MAML2: variants seen among roughly 807,000 people sequenced by gnomAD.
MAML2 encodes mastermind like transcriptional coactivator 2, also known as mastermind-like protein 2.
MAML2 carries 22 observed loss-of-function variants against 96.1 expected under a neutral mutation model. The ratio of observed to expected loss-of-function variants is 0.23; its 90% CI spans 0.16 to 0.33. The LOEUF (loss-of-function observed/expected upper bound fraction) is 0.33, where lower values mean the gene tolerates loss of function less well. Ranked by LOEUF, MAML2 falls within the 10% of genes least tolerant of loss-of-function variation. MAML2 has a pLI of 1.00. For synonymous variants in MAML2, 561 were observed against 521.3 expected (o/e 1.08, Z -1.04); for missense variants, 1,367 against 1,392.4 (o/e 0.98, Z 0.29).
At chr11:96,292,077 C>G (rs1025625671) in intron 1 of MAML2, among the ~76,000 whole-genome samples, 26 of 152,294 alleles carry the variant, frequency 1.7e-4, no homozygotes, top group Middle Eastern at 3.4e-3. Flanking sequence ...CAAATGATTT[C>G]CTGCACGTTA....
chr11:96,145,986 G>A (rs1860809560), intron 1 of MAML2, among the ~76,000 whole-genome samples: 1 of 152,018 alleles, frequency 6.6e-6, no homozygotes. Flanking sequence ...TCCAGCCTGG[G>A]TGACAGAGCA....
intron 1 of MAML2, among the ~76,000 whole-genome samples, chr11:96,288,278 A>G (rs996715317): frequency 2.0e-5 from 3 of 152,226 alleles, no homozygotes; most frequent in African/African-American, 7.2e-5. Flanking sequence ...ACTATCTAGA[A>G]CAAGGTATAA....
At chr11:95,990,318 C>T (rs1252815715) in intron 3 of MAML2, among the ~76,000 whole-genome samples, 1 of 152,094 alleles carries the variant, frequency 6.6e-6, no homozygotes, top group African/African-American at 2.4e-5. Flanking sequence ...CAAGCCCTAT[C>T]CTCCTGCTTC....
At chr11:96,281,625 G>T (rs1375330823) in intron 1 of MAML2, among the ~76,000 whole-genome samples, 1 of 152,126 alleles carries the variant, frequency 6.6e-6, no homozygotes, top group Non-Finnish European at 1.5e-5. Context: ...GGATATCAAT[G>T]AGTTTTGCAA....
At chr11:96,211,160 C>G (rs746404638) in intron 1 of MAML2, among the ~76,000 whole-genome samples, 2 of 152,052 alleles carry the variant, frequency 1.3e-5, no homozygotes, top group African/African-American at 2.4e-5. Flanking sequence ...GTCACAGAAG[C>G]CTTAAAGGTA....
At chr11:96,263,661 G>T (rs531395513) in intron 1 of MAML2, among the ~76,000 whole-genome samples, 89 of 152,348 alleles carry the variant, frequency 5.8e-4, no homozygotes, top group Admixed American at 1.0e-3. Flanking sequence ...ATGGGATCCT[G>T]ATCTTTTATA....
intron 1 of MAML2, among the ~76,000 whole-genome samples, chr11:96,101,563 C>T (rs1343080233): frequency 6.6e-6 from 1 of 152,224 alleles, no homozygotes; most frequent in Non-Finnish European, 1.5e-5. Context: ...CTGTACAAGT[C>T]TAAACTAGTC....
chr11:96,198,682 G>C lies in MAML2; in HGVS notation c.514-105165C>G, dbSNP rs149438394. 7.3e-4 allele frequency among the ~76,000 whole-genome samples: 111 copies of C among 152,152 alleles called. 1 individual carries two copies. Among genetic ancestry groups the C allele is most frequent in the African/African-American group, 2.4e-3 (98 of 41,514 alleles). ...TCACTGCCCACGGAGAGATGATTAG[G>C]CTTCCGGGAAAAGGTGAGAACACTG... is the stretch of plus-strand genomic sequence containing the variant. On this transcript the variant is annotated intron_variant, in intron 1 of 4. Coordinates refer to ENST00000524717, the MANE Select transcript of MAML2 (RefSeq NM_032427.4).
chr11:96,334,456 A>C (rs1362956223), intron 1 of MAML2, among the ~76,000 whole-genome samples: 1 of 152,174 alleles, frequency 6.6e-6, no homozygotes, highest in Non-Finnish European at 1.5e-5. Context: ...AAGAAAACAC[A>C]ACTAAGTGTT....
chr11:96,271,936 G>T lies in MAML2; in HGVS notation c.513+69447C>A, dbSNP rs1862921545. On this transcript the variant is annotated intron_variant, in intron 1 of 4. Coordinates refer to ENST00000524717, the MANE Select transcript of MAML2 (RefSeq NM_032427.4). ...CTGCTCTGACCATATGGGCCACCTT[G>T]TTATTCCTAGAGCATTCCAGGGATA... Among the ~76,000 whole-genome samples the T allele has an allele frequency of 3.3e-5, 5 of 152,116 alleles. No homozygotes were observed. The South Asian group carries it at 1.0e-3, about 31-fold the overall frequency.
Position 96,342,522 on chromosome 11 carries a change from T to C in MAML2, c.-627A>G. On this transcript the variant is annotated 5_prime_UTR_variant, in exon 1 of 5. Coordinates refer to ENST00000524717, the MANE Select transcript of MAML2 (RefSeq NM_032427.4). ...AGTCACTGTTCAAAATGTGCAAAAA[T>C]CAAGGGAGACTGTCTTTTGGCTTTT... is the stretch of plus-strand genomic sequence containing the variant. The C allele has an allele frequency of 2.5e-6, 1 of 398,246 alleles. No homozygotes were observed. The highest frequency in any genetic ancestry group is 4.4e-5 in the Admixed American group (1 of 22,732). The allele number at this position is 398,246 out of a possible 1,614,324, so 24.7% of individuals were successfully genotyped here.
chr11:96,119,678 T>C (rs1208265392), intron 1 of MAML2, among the ~76,000 whole-genome samples: 1 of 152,248 alleles, frequency 6.6e-6, no homozygotes. Context: ...CCTGTAAGCC[T>C]GGCTCTATTT....
rs1195016967 is a variant in MAML2 at position 96,092,741 on chromosome 11, T to C, written c.1290A>G (p.Val430=). ...TCTGTTTGAGCTGCTGGGCATGGGATACTTCCTGCCAGCTTGGCAAGGCCC... is the reference window on the plus strand; with the variant it reads ...TCTGTTTGAGCTGCTGGGCATGGGACACTTCCTGCCAGCTTGGCAAGGCCC... The part of the protein sequence containing the change: ...ASRALPSWQE[V]SHAQQLKQIA... The change falls in exon 2 of 5, where the codon GTA becomes GTG. Residue 430 remains valine, a synonymous_variant. Transcript: ENST00000524717. The surrounding 1 kb of genome is among the most constrained non-coding windows in gnomAD (Gnocchi z 4.1). The C allele has an allele frequency of 3.1e-6, 5 of 1,613,952 alleles. No individual in the cohort carries two copies. The South Asian group carries it at 5.5e-5, about 18-fold the overall frequency.
chr11:96,037,115 G>T (rs1230267576), intron 2 of MAML2, among the ~76,000 whole-genome samples: 1 of 151,938 alleles, frequency 6.6e-6, no homozygotes, highest in African/African-American at 2.4e-5. Flanking sequence ...ATGCATTCTG[G>T]GATGTTTCTG....
At chr11:96,123,940 C>A (rs186895352) in intron 1 of MAML2, among the ~76,000 whole-genome samples, 1 of 151,820 alleles carries the variant, frequency 6.6e-6, no homozygotes, top group Admixed American at 6.6e-5. Context: ...CATGGTGGCA[C>A]GCACCTGTAA....
intron 1 of MAML2, among the ~76,000 whole-genome samples, chr11:96,324,009 A>G (rs1350987394): frequency 3.9e-5 from 6 of 152,276 alleles, no homozygotes; most frequent in African/African-American, 1.4e-4. Context: ...TCTGAATTTC[A>G]TCTGCAGCTT....
chr11:96,116,448 C>T (rs182105071), intron 1 of MAML2, among the ~76,000 whole-genome samples: 6 of 152,264 alleles, frequency 3.9e-5, no homozygotes, highest in African/African-American at 4.8e-5. Flanking sequence ...TGCAGTGGGA[C>T]GCAAACAGAG....
intron 1 of MAML2, among the ~76,000 whole-genome samples, chr11:96,320,009 T>C (rs1213916486): frequency 6.6e-6 from 1 of 152,206 alleles, no homozygotes; most frequent in Non-Finnish European, 1.5e-5. Flanking sequence ...CAGAGAACAT[T>C]CACTGATGAG....
chr11:96,251,610 G>A (rs182801492), intron 1 of MAML2, among the ~76,000 whole-genome samples: 261 of 152,150 alleles, frequency 1.7e-3, no homozygotes, highest in Middle Eastern at 3.4e-3. Flanking sequence ...ATGGTAGTAG[G>A]AATAATAAGC....
Sources: gnomAD v4.1 joint callset for allele counts (sites outside exome capture counted in the v4.1 genomes callset) on GRCh38, gnomAD v4.1.1 for gene constraint, Gnocchi (gnomAD v3.1) non-coding constraint, MANE v1.5 for transcripts, NCBI Gene and HGNC (gene_info 2026-07-23, HGNC 2026-07-21) for gene names.